The following CARTPT variants were observed in gnomAD, a reference collection of about 807,000 sequenced individuals.
The protein encoded by CARTPT is CART prepropeptide.
A neutral mutation model predicts 12.2 loss-of-function variants in CARTPT; 6 were observed. The observed-to-expected ratio is 0.49, with a 90% CI of 0.27 to 0.97. The LOEUF is 0.97. Among genes scored for constraint, CARTPT ranks in the 50% least tolerant of loss-of-function variants. The probability of loss-of-function intolerance (pLI) is 0.12; values close to 1 mark genes in which losing one functional copy is unlikely to be tolerated. For synonymous variants in CARTPT, 75 were observed against 64.1 expected (o/e 1.17, Z -0.82); for missense variants, 135 against 142.0 (o/e 0.95, Z 0.25).
chr5:71,719,953 A>C lies in CARTPT; in HGVS notation c.233A>C (p.Gln78Pro), dbSNP rs1748673227. 6.2e-7 allele frequency: 1 copy of C among 1,614,082 alleles called. No individual in the cohort carries two copies. The highest frequency in any genetic ancestry group is 2.2e-5 in the East Asian group (1 of 44,872). Residue 78 changes from glutamine to proline, a missense_variant, in exon 2 of 3, where the codon CAA (glutamine) becomes CCA (proline). By Grantham distance (76) the Gln-to-Pro change is moderately conservative. Transcript: ENST00000296777. ...RVPIYEKKYG[Q>P]VPMCDAGEQC... ...CCCATCTATGAGAAGAAGTATGGCCAAGTCCCCATGGTAAGGTTTGTGGTC... is the reference window on the plus strand; with the variant it reads ...CCCATCTATGAGAAGAAGTATGGCCCAGTCCCCATGGTAAGGTTTGTGGTC...
At chr5:71,719,820 C>T in intron 1 of CARTPT, 60 bp from the exon 2 acceptor site, 5 of 1,514,584 alleles carry the variant, frequency 3.3e-6, no homozygotes, top group Non-Finnish European at 4.6e-6. Flanking sequence ...TGGAAGTGCG[C>T]ACCTGGGCTG....
chr5:71,720,643 C>A lies in CARTPT; in HGVS notation c.*28C>A. 6.5e-7 allele frequency: 1 copy of A among 1,533,914 alleles called. No homozygotes were observed. The highest frequency in any genetic ancestry group is 1.2e-5 in the South Asian group (1 of 85,520). On this transcript the variant is annotated 3_prime_UTR_variant, in exon 3 of 3. Coordinates refer to ENST00000296777, the MANE Select transcript of CARTPT (RefSeq NM_004291.4). The stretch of plus-strand genomic sequence containing the variant: ...GGGCGTCCATTCTCCTCCATACATC[C>A]CCATCCCTCTACTTTCCCCAGAGGA...
Position 71,719,906 on chromosome 5 carries a change from G to A in CARTPT, c.186G>A (p.Lys62=). The change falls in exon 2 of 3, where the codon AAG becomes AAA. Residue 62 remains lysine (K), a synonymous_variant. Coordinates refer to ENST00000296777, the MANE Select transcript of CARTPT (RefSeq NM_004291.4). ...ELIEALQEVL[K]KLKSKRVPIY... ...TCGAAGCGCTGCAAGAAGTCTTGAAGAAGCTCAAGAGTAAACGTGTTCCCA... is the reference window on the plus strand; with the variant it reads ...TCGAAGCGCTGCAAGAAGTCTTGAAAAAGCTCAAGAGTAAACGTGTTCCCA... 2 of 1,614,238 alleles carry A rather than the reference G, an allele frequency of 1.2e-6. No homozygotes were observed. The highest frequency in any genetic ancestry group is 1.7e-6 in the Non-Finnish European group (2 of 1,180,050).
chr5:71,720,096 C>G, intron 2 of CARTPT, 133 bp downstream of exon 2: 1 of 795,794 alleles, frequency 1.3e-6, no homozygotes, highest in Non-Finnish European at 2.2e-6. Context: ...CTGTGGGCTC[C>G]TTCTTCCTTC....
chr5:71,720,064 T>C (rs1336713070), intron 2 of CARTPT, 101 bp downstream of exon 2: 3 of 1,045,300 alleles, frequency 2.9e-6, no homozygotes, highest in Non-Finnish European at 4.5e-6. Context: ...CTAAATAACT[T>C]AGGTAATGGG....
chr5:71,720,276 T>C (rs1010063076), intron 2 of CARTPT, among the ~76,000 whole-genome samples: 2 of 152,076 alleles, frequency 1.3e-5, no homozygotes, highest in Non-Finnish European at 2.9e-5. Context: ...CACTTAAAGG[T>C]GGAAGAAACT....
chr5:71,719,641 C>G lies in CARTPT; in HGVS notation c.159+189C>G, dbSNP rs1013655668. On this transcript the variant is annotated intron_variant, in intron 1 of 2. Transcript: ENST00000296777. ...CACGGGCTCCTGGCAGTCTGTTGAG[C>G]GAATCCCTCATCCCGGCCCCTCTGA... 5.1e-6 allele frequency: 4 copies of G among 782,042 alleles called. No homozygotes were observed. The African/African-American group carries it at 6.8e-5, about 13-fold the overall frequency. The allele number at this position is 782,042 out of a possible 1,614,324, so 48.4% of individuals were successfully genotyped here.
intron 2 of CARTPT, 104 bp downstream of exon 2, chr5:71,720,067 G>T: frequency 9.8e-7 from 1 of 1,021,894 alleles, no homozygotes; most frequent in Non-Finnish European, 1.5e-6. Context: ...AATAACTTAG[G>T]TAATGGGCTT....
intron 2 of CARTPT, 65 bp downstream of exon 2, chr5:71,720,028 C>A: frequency 7.4e-7 from 1 of 1,358,540 alleles, no homozygotes; most frequent in Admixed American, 1.7e-5. Context: ...TTGAATCGTA[C>A]ACACAGTCTT....
chr5:71,720,746 C>A lies in CARTPT; in HGVS notation c.*131C>A. The A allele has an allele frequency of 1.4e-6, 1 of 738,458 alleles. No homozygotes were observed. Among genetic ancestry groups the A allele is most frequent in the Non-Finnish European group, 2.4e-6 (1 of 413,820 alleles). The allele number at this position is 738,458 out of a possible 1,614,324, so 45.7% of individuals were successfully genotyped here. Reference sequence around the variant, plus strand: ...TCCTCTGAAGGGAAAGGGCTCTTTTCCTGCTGTTTCAAAAATAAAAGAACA... The same window carrying A: ...TCCTCTGAAGGGAAAGGGCTCTTTTACTGCTGTTTCAAAAATAAAAGAACA... On this transcript the variant is annotated 3_prime_UTR_variant, in exon 3 of 3. Coordinates refer to ENST00000296777, the MANE Select transcript of CARTPT (RefSeq NM_004291.4).
intron 2 of CARTPT, among the ~76,000 whole-genome samples, 182 bp downstream of exon 2, chr5:71,720,145 A>G (rs149396622): frequency 1.3e-5 from 2 of 152,204 alleles, no homozygotes; most frequent in Non-Finnish European, 2.9e-5. Context: ...AGGGGTTGTA[A>G]GAAAGTGTAA....
At chr5:71,720,471 T>C (rs1193270432) in intron 2 of CARTPT, 37 bp from the exon 3 acceptor site, 1 of 1,573,360 alleles carries the variant, frequency 6.4e-7, no homozygotes, top group African/African-American at 1.3e-5. Flanking sequence ...AACCTGGGTT[T>C]GTTCATACTC....
In CARTPT at chr5:71,720,112, T is replaced by A. The variant is rs796532604; in HGVS notation, c.243+149T>A. The A allele has an allele frequency of 2.1e-5, 16 of 749,540 alleles. No individual in the cohort carries two copies. In the African/African-American group the frequency reaches 2.7e-4, roughly 13 times the overall value. The allele number at this position is 749,540 out of a possible 1,614,324, so 46.4% of individuals were successfully genotyped here. On this transcript the variant is annotated intron_variant, in intron 2 of 2. Coordinates refer to ENST00000296777, the MANE Select transcript of CARTPT (RefSeq NM_004291.4). ...TGTGGGCTCCTTCTTCCTTCCCGGG[T>A]GAGGAAATGGGAAAGCAGGAACAGG...
In CARTPT at chr5:71,719,914, A is replaced by G. The variant is rs1219584287; in HGVS notation, c.194A>G (p.Lys65Arg). ...CTGCAAGAAGTCTTGAAGAAGCTCAAGAGTAAACGTGTTCCCATCTATGAG... is the reference window on the plus strand; with the variant it reads ...CTGCAAGAAGTCTTGAAGAAGCTCAGGAGTAAACGTGTTCCCATCTATGAG... ...EALQEVLKKLKSKRVPIYEKK... is the reference protein window; with the variant it reads ...EALQEVLKKLRSKRVPIYEKK... Residue 65 changes from lysine to arginine, a missense_variant, in exon 2 of 3, where the codon AAG (lysine) becomes AGG (arginine). Physicochemically the swap from Lys to Arg is conservative, Grantham distance 26. Coordinates refer to ENST00000296777, the MANE Select transcript of CARTPT (RefSeq NM_004291.4). The G allele has an allele frequency of 1.2e-6, 2 of 1,614,122 alleles. No individual in the cohort carries two copies. Among genetic ancestry groups the G allele is most frequent in the African/African-American group, 2.7e-5 (2 of 74,936 alleles).
intron 2 of CARTPT, 110 bp downstream of exon 2, chr5:71,720,073 G>C (rs1748676739): frequency 2.1e-6 from 2 of 962,974 alleles, no homozygotes; most frequent in African/African-American, 3.2e-5. Flanking sequence ...TTAGGTAATG[G>C]GCTTGCAGGA....
At chr5:71,719,760 G>A (rs1748668856) in intron 1 of CARTPT, 120 bp from the exon 2 acceptor site, 2 of 929,852 alleles carry the variant, frequency 2.2e-6, no homozygotes, top group Admixed American at 3.6e-5. Flanking sequence ...TGTGTCCGCG[G>A]AGTCCCACCG....
chr5:71,719,324 C>G lies in CARTPT; in HGVS notation c.31C>G (p.Leu11Val), dbSNP rs142927190. 4 of 1,613,404 alleles carry G rather than the reference C, an allele frequency of 2.5e-6. No homozygotes were observed. The African/African-American group carries it at 5.3e-5, about 22-fold the overall frequency. The change falls in exon 1 of 3, where the codon CTC becomes GTC. Residue 11 changes from leucine to valine, a missense_variant. Transcript: ENST00000296777. ...GAGCTCCCGCGTGAGGCTGCTGCCC[C>G]TCCTGGGCGCCGCCCTGCTGCTGAT... MESSRVRLLP[L>V]LGAALLLMLP...
chr5:71,719,383 C>G lies in CARTPT; in HGVS notation c.90C>G (p.Asp30Glu), dbSNP rs1449230775. Residue 30 changes from aspartate (D) to glutamate (E), a missense_variant, in exon 1 of 3, where the codon GAC becomes GAG. Transcript: ENST00000296777. ...LPLLGTRAQE[D>E]AELQPRALDI... Reference sequence around the variant, plus strand: ...TGTTGGGTACCCGTGCCCAGGAGGACGCCGAGCTCCAGCCCCGAGCCCTGG... The same window carrying G: ...TGTTGGGTACCCGTGCCCAGGAGGAGGCCGAGCTCCAGCCCCGAGCCCTGG... 2 of 1,614,132 alleles carry G rather than the reference C, an allele frequency of 1.2e-6. No individual in the cohort carries two copies. The highest frequency in any genetic ancestry group is 2.2e-5 in the South Asian group (2 of 91,080).
rs374875701 is a variant in CARTPT, at chr5:71,720,534, G to A, written c.270G>A (p.Val90=). 23 of 1,613,016 alleles carry A rather than the reference G, an allele frequency of 1.4e-5. No homozygotes were observed. The highest frequency in any genetic ancestry group is 1.9e-5 in the Non-Finnish European group (23 of 1,179,734). Reference sequence around the variant, plus strand: ...GTGACGCCGGTGAGCAGTGTGCAGTGAGGAAAGGGGCAAGGATCGGGAAGC... The same window carrying A: ...GTGACGCCGGTGAGCAGTGTGCAGTAAGGAAAGGGGCAAGGATCGGGAAGC... The part of the protein sequence containing the change: ...PMCDAGEQCA[V]RKGARIGKLC... The change falls in exon 3 of 3, where the codon GTG becomes GTA. Residue 90 remains valine (V), a synonymous_variant. Transcript: ENST00000296777.
Sources: gnomAD v4.1 joint callset for allele counts (sites outside exome capture counted in the v4.1 genomes callset) on GRCh38, gnomAD v4.1.1 for gene constraint, MANE v1.5 for transcripts, NCBI Gene and HGNC (gene_info 2026-07-23, HGNC 2026-07-21) for gene names.